Variants in FRYL observed in about 807,000 individuals in gnomAD.
FRYL encodes FRY like transcription coactivator, also known as protein furry homolog-like.
FRYL carries 150 observed loss-of-function variants against 351.2 expected under a neutral mutation model. The observed-to-expected ratio is 0.43, with a 90% CI of 0.37 to 0.49. FRYL has a LOEUF of 0.49. Ranked by LOEUF, FRYL falls within the 20% of genes least tolerant of loss-of-function variation. The pLI is 0.00. For missense variants in FRYL, 3,036 were observed against 3,619.3 expected (o/e 0.84, Z 4.13); for synonymous variants, 1,153 against 1,257.1 (o/e 0.92, Z 1.75).
At chr4:48,770,459 CAG>C (rs1329862959) in intron 1 of FRYL, among the ~76,000 whole-genome samples, 2 of 151,452 alleles carry the variant, frequency 1.3e-5, no homozygotes, top group Non-Finnish European at 2.9e-5. Context: ...TTTTTTGAGA[CAG>C]AGTTTCGCTC....
intron 3 of FRYL, among the ~76,000 whole-genome samples, chr4:48,671,719 G>A (rs1485076044): frequency 6.6e-6 from 1 of 150,572 alleles, no homozygotes; most frequent in African/African-American, 2.4e-5. Flanking sequence ...CGGGCCTGGT[G>A]GTGCACGTCT....
intron 7 of FRYL, among the ~76,000 whole-genome samples, chr4:48,616,632 T>C (rs144588179): frequency 4.5e-4 from 68 of 152,318 alleles, no homozygotes; most frequent in African/African-American, 1.5e-3. Flanking sequence ...TTCATACATT[T>C]TGAAGAGTTC....
chr4:48,581,129 TC>T (rs1227350026), intron 21 of FRYL, among the ~76,000 whole-genome samples, 178 bp from the exon 22 acceptor site: 3 of 148,118 alleles, frequency 2.0e-5, no homozygotes, highest in South Asian at 2.2e-4. Context: ...CACTGCAAAC[TC>T]CGCCTCCTGG....
intron 3 of FRYL, among the ~76,000 whole-genome samples, chr4:48,656,414 TG>T (rs1759150425): frequency 1.7e-5 from 2 of 121,056 alleles, no homozygotes; most frequent in African/African-American, 3.0e-5. Context: ...TTATATATAA[TG>T]TATATATAAT....
intron 35 of FRYL, among the ~76,000 whole-genome samples, chr4:48,554,079 T>A (rs1261229958): frequency 1.3e-5 from 2 of 152,214 alleles, no homozygotes; most frequent in African/African-American, 4.8e-5. Flanking sequence ...TATATACATA[T>A]GTTTTAGTAA....
In FRYL at chr4:48,570,207, T is replaced by A. The variant is rs530686467; in HGVS notation, c.2996+620A>T. 5.9e-5 allele frequency among the ~76,000 whole-genome samples: 9 copies of A among 152,312 alleles called. No homozygotes were observed. The South Asian group carries it at 1.9e-3, about 32-fold the overall frequency. ...CTTCAACGGTCAGGTAACACCATTA[T>A]CCTCCTAAGGAAATAGTTATTTTTC... is the stretch of plus-strand genomic sequence containing the variant. On this transcript the variant is annotated intron_variant, in intron 27 of 63. Transcript: ENST00000358350.
At chr4:48,771,692 G>A (rs1053322624) in intron 1 of FRYL, among the ~76,000 whole-genome samples, 2 of 152,088 alleles carry the variant, frequency 1.3e-5, no homozygotes, top group African/African-American at 4.8e-5. Flanking sequence ...AAAAAAGCAC[G>A]AGTCCTCTAA....
At chr4:48,610,133 T>C (rs991785078) in intron 7 of FRYL, among the ~76,000 whole-genome samples, 6 of 152,146 alleles carry the variant, frequency 3.9e-5, no homozygotes, top group Non-Finnish European at 8.8e-5. Flanking sequence ...AAAAGACATG[T>C]ACACCTCCCT....
chr4:48,527,992 A>G lies in FRYL; in HGVS notation c.7119T>C (p.Ser2373=), dbSNP rs1198403980. The G allele has an allele frequency of 3.8e-6, 6 of 1,578,860 alleles. No homozygotes were observed. The highest frequency in any genetic ancestry group is 5.1e-6 in the Non-Finnish European group (6 of 1,170,256). ...TCACTGATGGGTTCTTTGGGAGGCC[A>G]GATTCTGGACCACAGAGAGAAAGCA... ...MNVLSLCGPE[S]GLPKNPSVVF... Residue 2373 remains serine, a synonymous_variant, in exon 52 of 64, where the codon TCT becomes TCC. Coordinates refer to ENST00000358350, the MANE Select transcript of FRYL (RefSeq NM_015030.2).
At chr4:48,768,496 A>G (rs1280102641) in intron 1 of FRYL, among the ~76,000 whole-genome samples, 1 of 152,218 alleles carries the variant, frequency 6.6e-6, no homozygotes, top group Non-Finnish European at 1.5e-5. Flanking sequence ...TGAAGAGTCC[A>G]TAGACTTGAC....
At chr4:48,627,825 G>T (rs1197166145) in intron 4 of FRYL, among the ~76,000 whole-genome samples, 1 of 152,160 alleles carries the variant, frequency 6.6e-6, no homozygotes, top group Non-Finnish European at 1.5e-5. Flanking sequence ...AGACTGGAGT[G>T]CAATGGCATG....
intron 52 of FRYL, 37 bp from the exon 53 acceptor site, chr4:48,527,690 A>C: frequency 1.3e-6 from 2 of 1,572,538 alleles, no homozygotes; most frequent in Non-Finnish European, 1.7e-6. Flanking sequence ...AAGTCCATCC[A>C]TCAGATTTGT....
intron 17 of FRYL, among the ~76,000 whole-genome samples, 161 bp from the exon 18 acceptor site, chr4:48,590,038 A>G (rs932196173): frequency 6.6e-6 from 1 of 152,242 alleles, no homozygotes; most frequent in African/African-American, 2.4e-5. Context: ...CAGCTTCAGT[A>G]TATTGGACTA....
At chr4:48,656,340 T>TATAATATATACTAAATATATTAC (rs1759052585) in intron 3 of FRYL, among the ~76,000 whole-genome samples, 2 of 122,248 alleles carry the variant, frequency 1.6e-5, no homozygotes, top group African/African-American at 6.4e-5. Flanking sequence ...AAATATATTA[T>TATAATATATACTAAATATATTAC]ATAATATATA....
intron 9 of FRYL, among the ~76,000 whole-genome samples, chr4:48,607,084 T>C (rs1387439807): frequency 1.3e-5 from 2 of 152,190 alleles, no homozygotes; most frequent in African/African-American, 4.8e-5. Flanking sequence ...AATACATCAT[T>C]ACACTGCCAA....
chr4:48,725,167 AAAG>A (rs1368827676), intron 1 of FRYL, among the ~76,000 whole-genome samples: 3 of 152,226 alleles, frequency 2.0e-5, no homozygotes, highest in African/African-American at 4.8e-5. Context: ...ACATGAGACA[AAAG>A]AGAATCAATC....
intron 4 of FRYL, among the ~76,000 whole-genome samples, chr4:48,625,360 T>A (rs1256769505): frequency 6.6e-6 from 1 of 152,300 alleles, no homozygotes; most frequent in Admixed American, 6.5e-5. Context: ...GCAACGTCAA[T>A]GTACAACAAT....
rs763057378 is a variant in FRYL at position 48,553,261 on chromosome 4, C to T, written c.4389G>A (p.Pro1463=). The change falls in exon 36 of 64, where the codon CCG becomes CCA. Residue 1463 remains proline, a synonymous_variant. Transcript: ENST00000358350. ...SSGVTHMDNP[P]YYRITSSYKI... Reference sequence around the variant, plus strand: ...TATAGCTGGAAGTGATGCGATAATACGGGGGATTATCCATGTGAGTGACCC... The same window carrying T: ...TATAGCTGGAAGTGATGCGATAATATGGGGGATTATCCATGTGAGTGACCC... 23 of 1,613,382 alleles carry T rather than the reference C, an allele frequency of 1.4e-5. No homozygotes were observed. Among genetic ancestry groups the T allele is most frequent in the Admixed American group, 3.3e-5 (2 of 59,880 alleles).
intron 3 of FRYL, among the ~76,000 whole-genome samples, chr4:48,663,690 G>C (rs1761216909): frequency 6.7e-6 from 1 of 148,412 alleles, no homozygotes; most frequent in African/African-American, 2.5e-5. Flanking sequence ...CAGGAGAATG[G>C]CGTGAACCCG....
Sources: gnomAD v4.1 joint callset for allele counts (sites outside exome capture counted in the v4.1 genomes callset) on GRCh38, gnomAD v4.1.1 for gene constraint, MANE v1.5 for transcripts, NCBI Gene and HGNC (gene_info 2026-07-23, HGNC 2026-07-21) for gene names.